The following UNC79 variants were observed in gnomAD, a reference collection of about 807,000 sequenced individuals.
UNC79 encodes protein unc-79 homolog.
A neutral mutation model predicts 283.1 loss-of-function variants in UNC79; 37 were observed. That is an observed-to-expected ratio of 0.13 (90% CI 0.10 to 0.17). UNC79 has a LOEUF of 0.17. UNC79 is among the 10% of genes least tolerant of loss of function. The probability of loss-of-function intolerance (pLI) is 1.00; values close to 1 mark genes in which losing one functional copy is unlikely to be tolerated. For missense variants in UNC79, 2,272 were observed against 3,211.1 expected (o/e 0.71, Z 7.07); for synonymous variants, 1,107 against 1,200.2 (o/e 0.92, Z 1.61).
intron 8 of UNC79, among the ~76,000 whole-genome samples, chr14:93,527,992 A>T (rs940293408): frequency 6.7e-6 from 1 of 150,154 alleles, no homozygotes; most frequent in Non-Finnish European, 1.5e-5. Flanking sequence ...AAAAAAAAAC[A>T]CATGAAAAAG....
At chr14:93,696,307 A>G (rs1190814768) in intron 47 of UNC79, among the ~76,000 whole-genome samples, 2 of 152,164 alleles carry the variant, frequency 1.3e-5, no homozygotes, top group East Asian at 1.9e-4. Flanking sequence ...ATATGTTTTC[A>G]TGTATGTTGG....
At chr14:93,671,421 C>A (rs942797885) in intron 40 of UNC79, among the ~76,000 whole-genome samples, 43 of 152,204 alleles carry the variant, frequency 2.8e-4, no homozygotes, top group Admixed American at 1.4e-3. Flanking sequence ...GATGAATCAA[C>A]TTTCAACCAG....
intron 1 of UNC79, among the ~76,000 whole-genome samples, chr14:93,354,842 A>G (rs893447319): frequency 2.0e-5 from 3 of 152,038 alleles, no homozygotes; most frequent in Non-Finnish European, 2.9e-5. Context: ...TATACAGGAA[A>G]AGGGTTTTGA....
At chr14:93,592,039 C>T (rs918104384) in intron 22 of UNC79, among the ~76,000 whole-genome samples, 1 of 151,936 alleles carries the variant, frequency 6.6e-6, no homozygotes, top group Non-Finnish European at 1.5e-5. Context: ...CACGTATGGT[C>T]TGTAAATGTT....
At chr14:93,568,356 T>C (rs2063019348) in intron 14 of UNC79, among the ~76,000 whole-genome samples, 2 of 151,988 alleles carry the variant, frequency 1.3e-5, no homozygotes, top group Admixed American at 1.3e-4. Context: ...AGAGACCTTA[T>C]AACTTTCAAA....
intron 1 of UNC79, among the ~76,000 whole-genome samples, chr14:93,420,665 CT>C (rs1435953556): frequency 6.6e-6 from 1 of 151,700 alleles, no homozygotes; most frequent in African/African-American, 2.4e-5. Context: ...CATTCTTTTC[CT>C]TGGCACATAG....
intron 14 of UNC79, among the ~76,000 whole-genome samples, chr14:93,550,379 G>T (rs902834903): frequency 3.3e-5 from 5 of 151,982 alleles, no homozygotes; most frequent in African/African-American, 4.8e-5. Context: ...GCTGGGCATG[G>T]TGGCATGTGC....
rs1343301452 is a variant in UNC79 at position 93,615,733 on chromosome 14, A to AG, written c.4042-1389_4042-1388insG. On this transcript the variant is annotated intron_variant, in intron 27 of 48. Coordinates refer to ENST00000555664, the Ensembl canonical transcript of UNC79. ...GAGACTCCATCTCAAAAAAAAAAAA[A>AG]AAAAAAAAAAAAGAAAAGAAGAAAA... Among the ~76,000 whole-genome samples the AG allele has an allele frequency of 5.4e-5, 8 of 148,886 alleles. No homozygotes were observed. In the East Asian group the frequency reaches 1.5e-3, roughly 29 times the overall value.
At chr14:93,654,065 C>A in intron 37 of UNC79, 40 bp downstream of exon 40, 3 of 1,583,548 alleles carry the variant, frequency 1.9e-6, no homozygotes, top group Non-Finnish European at 2.6e-6. Flanking sequence ...CCAGCCGAAA[C>A]TCTAAGCCCC....
chr14:93,608,507 A>C (rs1298917085), intron 26 of UNC79, among the ~76,000 whole-genome samples: 1 of 152,228 alleles, frequency 6.6e-6, no homozygotes, highest in Non-Finnish European at 1.5e-5. Flanking sequence ...GAAGTTAGCC[A>C]CTGCCCCAGC....
intron 31 of UNC79, among the ~76,000 whole-genome samples, chr14:93,633,416 A>G (rs991205852): frequency 6.6e-6 from 1 of 152,234 alleles, no homozygotes. Flanking sequence ...CATCACACCA[A>G]GTTGCCACCT....
At chr14:93,679,610 G>A (rs573438569) in intron 41 of UNC79, among the ~76,000 whole-genome samples, 1 of 152,310 alleles carries the variant, frequency 6.6e-6, no homozygotes, top group Non-Finnish European at 1.5e-5. Context: ...GAGAACTGGT[G>A]GAGGAACAGC....
intron 8 of UNC79, among the ~76,000 whole-genome samples, chr14:93,525,560 T>C (rs1052702561): frequency 6.6e-6 from 1 of 152,152 alleles, no homozygotes; most frequent in Non-Finnish European, 1.5e-5. Context: ...GGTTCAGAGG[T>C]GCTCTTCTTT....
At chr14:93,553,841 A>G (rs1252205999) in intron 14 of UNC79, among the ~76,000 whole-genome samples, 3 of 152,256 alleles carry the variant, frequency 2.0e-5, no homozygotes, top group African/African-American at 7.2e-5. Context: ...CAGAGGACCT[A>G]CTACACAAAA....
chr14:93,537,025 A>C (rs530067280), intron 11 of UNC79, among the ~76,000 whole-genome samples: 9 of 152,198 alleles, frequency 5.9e-5, no homozygotes, highest in Non-Finnish European at 1.0e-4. Flanking sequence ...ATTCTAGGTG[A>C]AGACAGATTA....
intron 7 of UNC79, among the ~76,000 whole-genome samples, chr14:93,502,240 C>T (rs368344400): frequency 2.6e-5 from 4 of 151,978 alleles, no homozygotes; most frequent in Admixed American, 1.3e-4. Context: ...GGTGAAACCC[C>T]GTCTCTACTA....
At chr14:93,689,172 C>T (rs2074483528) in intron 44 of UNC79, 1 of 283,670 alleles carries the variant, frequency 3.5e-6, no homozygotes, top group East Asian at 6.6e-5. Flanking sequence ...TATTTGCCTT[C>T]AAGCAGCTTA....
At chr14:93,638,752 G>T (rs1186922067) in intron 32 of UNC79, among the ~76,000 whole-genome samples, 1 of 152,316 alleles carries the variant, frequency 6.6e-6, no homozygotes, top group East Asian at 1.9e-4. Flanking sequence ...CAACTTGGGG[G>T]TGATAGGGAC....
At chr14:93,494,437 G>A (rs1341026542) in intron 5 of UNC79, among the ~76,000 whole-genome samples, 1 of 152,192 alleles carries the variant, frequency 6.6e-6, no homozygotes, top group East Asian at 1.9e-4. Context: ...TCAGGCCTCT[G>A]AGGGAAGATC....
Sources: gnomAD v4.1 joint callset for allele counts (sites outside exome capture counted in the v4.1 genomes callset) on GRCh38, gnomAD v4.1.1 for gene constraint, MANE v1.5 for transcripts, NCBI Gene and HGNC (gene_info 2026-07-23, HGNC 2026-07-21) for gene names.